TULP4: variants seen among roughly 807,000 people sequenced by gnomAD.
The protein encoded by TULP4 is TUB like protein 4, also known as tubby-related protein 4.
Under a neutral mutation model 129.0 loss-of-function variants are expected in TULP4, and 16 were observed. That is an observed-to-expected ratio of 0.12 (90% CI 0.08 to 0.19). The LOEUF is 0.19. Among genes scored for constraint, TULP4 ranks in the 10% least tolerant of loss-of-function variants. The pLI is 1.00. For missense variants in TULP4, 1,842 were observed against 2,059.1 expected (o/e 0.89, Z 2.04); for synonymous variants, 998 against 854.0 (o/e 1.17, Z -2.94).
At chr6:158,242,486 C>T (rs1777943165) in intron 1 of TULP4, 1 of 827,628 alleles carries the variant, frequency 1.2e-6, no homozygotes, top group African/African-American at 1.7e-5. Context: ...ATCCATAAAG[C>T]TCCTTCAGTT....
intron 5 of TULP4, among the ~76,000 whole-genome samples, chr6:158,460,467 G>T (rs575312189): frequency 4.0e-4 from 60 of 150,568 alleles, no homozygotes; most frequent in African/African-American, 1.4e-3. Flanking sequence ...AAAAAAAAAT[G>T]TCATAAATCT....
At position 158,489,593 on chromosome 6, in the gene TULP4, A is replaced by G. The variant is rs199636990; in HGVS notation, c.1492A>G (p.Ile498Val). The change falls in exon 9 of 14, where the codon ATC (isoleucine) becomes GTC (valine). Residue 498 changes from isoleucine to valine, a missense_variant. Physicochemically the swap from Ile to Val is conservative, Grantham distance 29 (BLOSUM62 3). Coordinates refer to ENST00000367097, the MANE Select transcript of TULP4 (RefSeq NM_020245.5). ...DPRTDSKPDEIYGNSLISTVI... is the reference protein window; with the variant it reads ...DPRTDSKPDEVYGNSLISTVI... The stretch of plus-strand genomic sequence containing the variant: ...GCTGGTTGGTGTTTTACCAGATGAA[A>G]TCTATGGGAACAGCTTGATTTCTAC... 9 of 1,613,996 alleles carry G rather than the reference A, an allele frequency of 5.6e-6. No individual in the cohort carries two copies. Among genetic ancestry groups the G allele is most frequent in the Non-Finnish European group, 8.5e-7 (1 of 1,180,030 alleles).
At chr6:158,293,713 G>T (rs1304808206) in intron 1 of TULP4, among the ~76,000 whole-genome samples, 1 of 152,218 alleles carries the variant, frequency 6.6e-6, no homozygotes, top group Admixed American at 6.5e-5. Flanking sequence ...TACCACAGTT[G>T]TAGAAACACA....
At chr6:158,451,761 T>C (rs1414270562) in intron 4 of TULP4, among the ~76,000 whole-genome samples, 1 of 152,266 alleles carries the variant, frequency 6.6e-6, no homozygotes, top group African/African-American at 2.4e-5. Context: ...AAAATGTTTT[T>C]ATCCCTCCTC....
intron 1 of TULP4, among the ~76,000 whole-genome samples, chr6:158,328,131 TGC>T (rs767947030): frequency 0.33 from 18,277 of 56,148 alleles, 1,914 homozygotes; most frequent in Admixed American, 0.43. Context: ...TGTGTGTGCG[TGC>T]GTGCTGGGAA....
intron 1 of TULP4, among the ~76,000 whole-genome samples, chr6:158,376,524 C>T (rs766033829): frequency 1.0e-3 from 159 of 152,304 alleles, no homozygotes; most frequent in Non-Finnish European, 1.9e-3. Context: ...ACATCTCCTC[C>T]ATTGTAGTCA....
chr6:158,239,466 C>A (rs1254898615), intron 1 of TULP4, among the ~76,000 whole-genome samples: 2 of 61,834 alleles, frequency 3.2e-5, no homozygotes, highest in African/African-American at 5.3e-5. Context: ...GGGGGCTGAC[C>A]CCCCCACCTC....
chr6:158,382,696 T>C (rs1411344239), intron 1 of TULP4, among the ~76,000 whole-genome samples: 1 of 152,232 alleles, frequency 6.6e-6, no homozygotes, highest in Non-Finnish European at 1.5e-5. Flanking sequence ...CCTTAAATCA[T>C]GTGTCTTTAA....
chr6:158,469,092 GAC>G (rs1468668242), intron 6 of TULP4, among the ~76,000 whole-genome samples: 4 of 152,114 alleles, frequency 2.6e-5, no homozygotes, highest in African/African-American at 9.7e-5. Context: ...GGAGAGGTGA[GAC>G]AGGGCTTTGG....
upstream of TULP4, among the ~76,000 whole-genome samples, chr6:158,311,085 C>T: frequency 6.6e-6 from 1 of 151,960 alleles, no homozygotes; most frequent in East Asian, 1.9e-4. Flanking sequence ...AATGTGAACA[C>T]GGAAGAAGGC....
At chr6:158,412,948 C>G in intron 1 of TULP4, 117 bp from the exon 2 acceptor site, 1 of 1,395,312 alleles carries the variant, frequency 7.2e-7, no homozygotes, top group Non-Finnish European at 9.5e-7. Flanking sequence ...CATTCGCCCC[C>G]AGTCTTCTCC....
At chr6:158,350,080 C>A (rs1780470032) in intron 1 of TULP4, among the ~76,000 whole-genome samples, 1 of 150,416 alleles carries the variant, frequency 6.6e-6, no homozygotes, top group South Asian at 2.1e-4. Flanking sequence ...AGGCACTCCA[C>A]TTCCCAGACG....
chr6:158,476,522 G>A lies in TULP4; in HGVS notation c.1027-3229G>A, dbSNP rs12190635. Among the ~76,000 whole-genome samples, 896 of 152,186 alleles carry A rather than the reference G, an allele frequency of 5.9e-3. 3 individuals carry two copies. Among genetic ancestry groups the A allele is most frequent in the Middle Eastern group, 0.01 (3 of 294 alleles). ...GTCGTCCGAGCGAATGCGCTACCTG[G>A]TTTGGAGTCACACCATCCTCCCTCG... On this transcript the variant is annotated intron_variant, in intron 6 of 13. Coordinates refer to ENST00000367097, the MANE Select transcript of TULP4 (RefSeq NM_020245.5).
intron 1 of TULP4, chr6:158,242,937 C>G: frequency 5.7e-6 from 1 of 174,004 alleles, no homozygotes; most frequent in Non-Finnish European, 1.2e-5. Context: ...AGGTGCCCAC[C>G]ACAACACCCG....
intron 11 of TULP4, among the ~76,000 whole-genome samples, chr6:158,497,736 G>A (rs149434735): frequency 7.2e-5 from 11 of 152,328 alleles, no homozygotes; most frequent in African/African-American, 2.6e-4. Context: ...CTGCTATTGG[G>A]CAGGAGAAGT....
chr6:158,280,142 C>T (rs1035533060), upstream of TULP4, among the ~76,000 whole-genome samples: 1 of 151,876 alleles, frequency 6.6e-6, no homozygotes, highest in Non-Finnish European at 1.5e-5. Flanking sequence ...AGTTGGGCCT[C>T]AGTATGAATT....
intron 1 of TULP4, among the ~76,000 whole-genome samples, chr6:158,272,692 G>T (rs1562501498): frequency 6.6e-6 from 1 of 152,178 alleles, no homozygotes; most frequent in African/African-American, 2.4e-5. Context: ...AGTAGTCATT[G>T]ACAGACCCAA....
intron 1 of TULP4, chr6:158,398,574 A>G (rs906105346): frequency 1.3e-5 from 2 of 152,254 alleles, no homozygotes. Flanking sequence ...TCTGTTTAGC[A>G]CTGGCCTGCA....
intron 1 of TULP4, among the ~76,000 whole-genome samples, chr6:158,369,856 T>C (rs1777034364): frequency 1.3e-5 from 2 of 152,104 alleles, no homozygotes; most frequent in African/African-American, 4.8e-5. Flanking sequence ...TTTTCCATCT[T>C]TGACTTTTGT....
Sources: gnomAD v4.1 joint callset for allele counts (sites outside exome capture counted in the v4.1 genomes callset) on GRCh38, gnomAD v4.1.1 for gene constraint, MANE v1.5 for transcripts, NCBI Gene and HGNC (gene_info 2026-07-23, HGNC 2026-07-21) for gene names.